SGCZ: variants seen among roughly 807,000 people sequenced by gnomAD.
The protein encoded by SGCZ is sarcoglycan zeta.
Under a neutral mutation model 41.3 loss-of-function variants are expected in SGCZ, and 40 were observed. The observed-to-expected ratio is 0.97, with a 90% CI of 0.75 to 1.26. The LOEUF is 1.26. Ranked by LOEUF, SGCZ falls within the 50% of genes most tolerant of loss-of-function variation. SGCZ has a pLI of 0.00. For missense variants in SGCZ, 552 were observed against 369.8 expected, an observed-to-expected ratio of 1.49 and a Z score of -4.04; for synonymous variants, 206 against 137.5, an observed-to-expected ratio of 1.50 and a Z score of -3.49.
chr8:15,196,282 CTTTTCTTAATCCAAAATTTG>C (rs911737361), intron 1 of SGCZ, among the ~76,000 whole-genome samples: 1 of 152,128 alleles, frequency 6.6e-6, no homozygotes, highest in Admixed American at 6.6e-5. Flanking sequence ...AGATGTAGTT[CTTTTCTTAATCCAAAATTTG>C]TTTTGCTCAA....
chr8:15,229,452 A>G (rs1358459869), intron 1 of SGCZ, among the ~76,000 whole-genome samples: 1 of 152,218 alleles, frequency 6.6e-6, no homozygotes, highest in African/African-American at 2.4e-5. Flanking sequence ...GTAAAGGGGA[A>G]CTAATTTAAA....
intron 1 of SGCZ, among the ~76,000 whole-genome samples, chr8:14,860,779 C>G (rs925150920): frequency 6.6e-6 from 1 of 151,380 alleles, no homozygotes; most frequent in African/African-American, 2.4e-5. Context: ...AAGAAACTCT[C>G]TCTACCAAGA....
intron 2 of SGCZ, among the ~76,000 whole-genome samples, chr8:14,396,809 C>G (rs1798932598): frequency 6.6e-6 from 1 of 151,802 alleles, no homozygotes; most frequent in African/African-American, 2.4e-5. Context: ...TTCTCCTATG[C>G]CCAGGTTAAG....
At chr8:14,576,899 T>C (rs1448016208) in intron 1 of SGCZ, among the ~76,000 whole-genome samples, 1 of 152,192 alleles carries the variant, frequency 6.6e-6, no homozygotes, top group Non-Finnish European at 1.5e-5. Context: ...GGATGGAAAG[T>C]GATGAATCAT....
chr8:15,104,493 A>G (rs1026351), intron 1 of SGCZ, among the ~76,000 whole-genome samples: 117,632 of 152,136 alleles, frequency 0.77, 45,739 homozygotes, highest in Admixed American at 0.8. Context: ...GGTATTTCCA[A>G]AAGTTTAAAA....
chr8:14,111,401 G>C (rs1802367640), intron 5 of SGCZ, among the ~76,000 whole-genome samples: 1 of 152,072 alleles, frequency 6.6e-6, no homozygotes, highest in African/African-American at 2.4e-5. Flanking sequence ...AGAAAAGACA[G>C]ACTGTCATGA....
At chr8:14,457,626 A>G (rs1800786451) in intron 2 of SGCZ, among the ~76,000 whole-genome samples, 3 of 152,192 alleles carry the variant, frequency 2.0e-5, no homozygotes, top group Admixed American at 2.0e-4. Context: ...TGCCTTCCAG[A>G]TAGCAGTAGT....
At chr8:14,112,655 G>T (rs1034293906) in intron 5 of SGCZ, among the ~76,000 whole-genome samples, 2 of 151,872 alleles carry the variant, frequency 1.3e-5, no homozygotes, top group African/African-American at 4.8e-5. Flanking sequence ...TTATTCCCAG[G>T]TTTACTTATA....
intron 1 of SGCZ, among the ~76,000 whole-genome samples, chr8:15,013,276 G>A (rs1262516946): frequency 6.6e-6 from 1 of 152,062 alleles, no homozygotes; most frequent in Non-Finnish European, 1.5e-5. Context: ...TTCTTGCTAT[G>A]AACCTTTATG....
At chr8:14,836,021 C>G (rs1317533949) in intron 1 of SGCZ, among the ~76,000 whole-genome samples, 1 of 152,144 alleles carries the variant, frequency 6.6e-6, no homozygotes, top group Non-Finnish European at 1.5e-5. Flanking sequence ...GAAACCATTA[C>G]TGCCTTCCTT....
chr8:14,234,737 G>C (rs866512423), intron 4 of SGCZ, among the ~76,000 whole-genome samples: 7 of 152,022 alleles, frequency 4.6e-5, no homozygotes, highest in Admixed American at 6.6e-5. Context: ...ATTAAAATTA[G>C]AGTCTTTAGA....
At chr8:14,742,641 T>C (rs1380701917) in intron 1 of SGCZ, among the ~76,000 whole-genome samples, 5 of 152,062 alleles carry the variant, frequency 3.3e-5, no homozygotes, top group Non-Finnish European at 7.4e-5. Context: ...GATAATCTTA[T>C]TCATCCTTAG....
chr8:14,570,280 A>C (rs750266815), intron 1 of SGCZ, among the ~76,000 whole-genome samples: 2 of 152,178 alleles, frequency 1.3e-5, no homozygotes, highest in Non-Finnish European at 1.5e-5. Flanking sequence ...GTATTCAGTA[A>C]GTTCTGATTG....
At chr8:14,627,333 T>G (rs888970269) in intron 1 of SGCZ, among the ~76,000 whole-genome samples, 4 of 152,258 alleles carry the variant, frequency 2.6e-5, no homozygotes, top group African/African-American at 9.6e-5. Flanking sequence ...GCCTTCAATT[T>G]GGAGGGACGG....
intron 2 of SGCZ, among the ~76,000 whole-genome samples, chr8:14,386,339 T>A: frequency 6.6e-6 from 1 of 152,048 alleles, no homozygotes. Context: ...TTGAAAAGTC[T>A]ATGAAAGAGA....
rs74950133 is a variant in SGCZ at position 14,634,251 on chromosome 8, A to G, written c.40-79325T>C. On this transcript the variant is annotated intron_variant, in intron 1 of 7. Transcript: ENST00000382080. ...TTAATAGATTTGTGTCCATAGTATC[A>G]AACTAAATTTTGAATTGGGGGGAAA... is the stretch of plus-strand genomic sequence containing the variant. 8.2e-3 allele frequency among the ~76,000 whole-genome samples: 1,253 copies of G among 152,010 alleles called. 22 individuals are homozygous for G. The highest frequency in any genetic ancestry group is 0.029 in the African/African-American group (1,185 of 41,546).
chr8:15,047,666 T>TA, intron 1 of SGCZ, among the ~76,000 whole-genome samples: 1 of 152,046 alleles, frequency 6.6e-6, no homozygotes. Context: ...TTAGATACTA[T>TA]AAAAATAAAT....
chr8:14,278,728 C>CCAAA (rs1800318107), intron 3 of SGCZ, among the ~76,000 whole-genome samples: 1 of 151,968 alleles, frequency 6.6e-6, no homozygotes, highest in Admixed American at 6.6e-5. Flanking sequence ...AAGTATCATA[C>CCAAA]CAAACACTTA....
At chr8:14,297,792 T>C (rs960810121) in intron 3 of SGCZ, among the ~76,000 whole-genome samples, 20 of 151,988 alleles carry the variant, frequency 1.3e-4, no homozygotes, top group African/African-American at 4.8e-4. Context: ...TTATCAATAA[T>C]GAAAAGTATA....
Sources: allele counts gnomAD v4.1 joint callset (sites outside exome capture counted in the v4.1 genomes callset), GRCh38; gene constraint gnomAD v4.1.1; transcripts MANE v1.5; gene names NCBI Gene and HGNC (gene_info 2026-07-23, HGNC 2026-07-21).